DLGAP4: variants seen among roughly 807,000 people sequenced by gnomAD.
The protein encoded by DLGAP4 is disks large-associated protein 4.
A neutral mutation model predicts 86.9 loss-of-function variants in DLGAP4; 18 were observed. The observed-to-expected ratio is 0.21, with a 90% CI of 0.14 to 0.31. The LOEUF (loss-of-function observed/expected upper bound fraction) is 0.31. Ranked by LOEUF, DLGAP4 falls within the 10% of genes least tolerant of loss-of-function variation. The pLI is 1.00. For missense variants in DLGAP4, 1,085 were observed against 1,362.6 expected (o/e 0.80, Z 3.21); for synonymous variants, 548 against 574.3 (o/e 0.95, Z 0.65).
At chr20:36,397,777 T>C (rs1476344314) in intron 2 of DLGAP4, among the ~76,000 whole-genome samples, 1 of 152,262 alleles carries the variant, frequency 6.6e-6, no homozygotes, top group Non-Finnish European at 1.5e-5. Context: ...TTATCTTTTG[T>C]TACTGCATTG....
chr20:36,386,391 G>T (rs1049522313), intron 2 of DLGAP4, among the ~76,000 whole-genome samples: 1 of 151,526 alleles, frequency 6.6e-6, no homozygotes, highest in African/African-American at 2.4e-5. Flanking sequence ...GGGAAAAAAG[G>T]GAGAAAAGGA....
At chr20:36,525,241 A>AC (rs1569527284) in intron 11 of DLGAP4, among the ~76,000 whole-genome samples, 2 of 127,080 alleles carry the variant, frequency 1.6e-5, no homozygotes, top group African/African-American at 3.1e-5. Context: ...AAAAAAAAAA[A>AC]AAAAAAAAAA....
chr20:36,409,033 G>GTT, intron 2 of DLGAP4, among the ~76,000 whole-genome samples: 1 of 118,914 alleles, frequency 8.4e-6, no homozygotes. Flanking sequence ...CAAATAAAAG[G>GTT]CTTTTTTTTT....
chr20:36,519,889 C>T (rs1271051592), intron 10 of DLGAP4, among the ~76,000 whole-genome samples: 1 of 152,074 alleles, frequency 6.6e-6, no homozygotes, highest in Non-Finnish European at 1.5e-5. Flanking sequence ...CTTCTGGGCT[C>T]AAGCAATCCT....
chr20:36,389,953 G>A (rs1327899676), intron 2 of DLGAP4, among the ~76,000 whole-genome samples: 1 of 152,202 alleles, frequency 6.6e-6, no homozygotes, highest in East Asian at 1.9e-4. Context: ...GCCATGACTG[G>A]TACTCTGGAG....
At chr20:36,377,431 G>A (rs2031201153) in intron 2 of DLGAP4, among the ~76,000 whole-genome samples, 1 of 152,188 alleles carries the variant, frequency 6.6e-6, no homozygotes, top group Non-Finnish European at 1.5e-5. Context: ...CTTAGAGTTG[G>A]TTGCAAAGTT....
chr20:36,521,359 GT>G (rs1002956109), intron 10 of DLGAP4, among the ~76,000 whole-genome samples: 1 of 152,026 alleles, frequency 6.6e-6, no homozygotes, highest in Non-Finnish European at 1.5e-5. Flanking sequence ...CTTTTTAGTA[GT>G]TTTTCTTTTT....
chr20:36,327,110 C>T (rs537843245), intron 1 of DLGAP4, among the ~76,000 whole-genome samples: 6 of 150,778 alleles, frequency 4.0e-5, no homozygotes, highest in African/African-American at 1.2e-4. Context: ...AGTGATTCTC[C>T]TACCTCAGCC....
At chr20:36,499,766 T>G (rs1363777993) in intron 9 of DLGAP4, 90 bp downstream of exon 9, 1 of 1,295,046 alleles carries the variant, frequency 7.7e-7, no homozygotes, top group Non-Finnish European at 1.1e-6. Flanking sequence ...CCACTTCTCC[T>G]TGCTGGATTT....
At chr20:36,497,681 T>TCCAGGCG in intron 8 of DLGAP4, 10 of 980,078 alleles carry the variant, frequency 1.0e-5, no homozygotes, top group African/African-American at 8.7e-5. Flanking sequence ...TGGGATAGGG[T>TCCAGGCG]CCAGGCGATG....
At chr20:36,443,752 C>T (rs2147571051) in intron 6 of DLGAP4, among the ~76,000 whole-genome samples, 1 of 152,314 alleles carries the variant, frequency 6.6e-6, no homozygotes, top group South Asian at 2.1e-4. Flanking sequence ...GGCCTCCCCA[C>T]CGACAGCTCA....
intron 7 of DLGAP4, chr20:36,462,675 G>C: frequency 2.0e-6 from 3 of 1,527,696 alleles, no homozygotes; most frequent in Non-Finnish European, 2.6e-6. Flanking sequence ...TGGGGTTGGC[G>C]CTGGGGCAAG....
chr20:36,488,105 CAGG>C (rs1348431938), intron 7 of DLGAP4, among the ~76,000 whole-genome samples: 4 of 150,828 alleles, frequency 2.7e-5, no homozygotes, highest in African/African-American at 9.8e-5. Flanking sequence ...GAGGCTGAGG[CAGG>C]AGAATCGCTT....
chr20:36,419,566 T>A (rs2032763549), intron 2 of DLGAP4, among the ~76,000 whole-genome samples: 1 of 152,212 alleles, frequency 6.6e-6, no homozygotes. Context: ...TGCAGTCAAG[T>A]TGTCAGCTAC....
intron 2 of DLGAP4, among the ~76,000 whole-genome samples, chr20:36,427,719 G>A (rs2033015725): frequency 6.6e-6 from 1 of 151,976 alleles, no homozygotes; most frequent in Non-Finnish European, 1.5e-5. Flanking sequence ...AAGGTGGGTG[G>A]ATCACAGAAG....
At chr20:36,339,129 C>G (rs1303161318) in intron 1 of DLGAP4, among the ~76,000 whole-genome samples, 2 of 152,204 alleles carry the variant, frequency 1.3e-5, no homozygotes, top group Admixed American at 1.3e-4. Flanking sequence ...TGCTCTGTTG[C>G]CCAGGCTGGA....
chr20:36,440,290 C>T (rs547449248), intron 5 of DLGAP4, among the ~76,000 whole-genome samples: 1 of 152,146 alleles, frequency 6.6e-6, no homozygotes, highest in African/African-American at 2.4e-5. Flanking sequence ...TATCTGGGGG[C>T]TGTTGAGAGG....
At chr20:36,466,545 ATC>A (rs556352225) in intron 7 of DLGAP4, among the ~76,000 whole-genome samples, 1 of 152,118 alleles carries the variant, frequency 6.6e-6, no homozygotes, top group African/African-American at 2.4e-5. Context: ...TGTGGTGTAA[ATC>A]TCTCTCGGGT....
At chr20:36,501,064 C>CTTTTT (rs11480703) in intron 10 of DLGAP4, among the ~76,000 whole-genome samples, 1 of 138,130 alleles carries the variant, frequency 7.2e-6, no homozygotes. Flanking sequence ...CCTTCAACAA[C>CTTTTT]TTTTTTTTTT....
Sources: allele counts gnomAD v4.1 joint callset (sites outside exome capture counted in the v4.1 genomes callset), GRCh38; gene constraint gnomAD v4.1.1; transcripts MANE v1.5; gene names NCBI Gene and HGNC (gene_info 2026-07-23, HGNC 2026-07-21).